Variants in RALY observed in about 807,000 individuals in gnomAD.
RALY encodes the protein RALY heterogeneous nuclear ribonucleoprotein.
A neutral mutation model predicts 30.7 loss-of-function variants in RALY; 15 were observed. That is an observed-to-expected ratio of 0.49 (90% CI 0.33 to 0.75). The LOEUF (loss-of-function observed/expected upper bound fraction) is 0.75, where lower values mean the gene tolerates loss of function less well. Among genes scored for constraint, RALY ranks in the 30% least tolerant of loss-of-function variants. The pLI is 0.02. For missense variants in RALY, 339 were observed against 414.3 expected (o/e 0.82, Z 1.58); for synonymous variants, 177 against 170.8 (o/e 1.04, Z -0.28).
At chr20:34,022,393 C>T (rs2031862309) in intron 1 of RALY, among the ~76,000 whole-genome samples, 1 of 152,066 alleles carries the variant, frequency 6.6e-6, no homozygotes, top group Admixed American at 6.6e-5. Context: ...CTCAAAGCAG[C>T]TGATGTTGTG....
intron 5 of RALY, 121 bp downstream of exon 5, chr20:34,073,987 G>T (rs2033803824): frequency 1.8e-6 from 2 of 1,134,448 alleles, no homozygotes; most frequent in East Asian, 2.5e-5. Context: ...TTTGCCTGGG[G>T]TTGCTCCACC....
chr20:34,058,467 A>G (rs970338514), intron 2 of RALY, among the ~76,000 whole-genome samples: 3 of 150,836 alleles, frequency 2.0e-5, no homozygotes, highest in Non-Finnish European at 4.4e-5. Flanking sequence ...TCTGAAAGGA[A>G]CGGTTCACCT....
At chr20:34,077,673 C>T (rs1165349828) in intron 8 of RALY, 10 of 271,166 alleles carry the variant, frequency 3.7e-5, no homozygotes, top group African/African-American at 9.2e-5. Context: ...GTGAGCTCCC[C>T]GCCTGTTACT....
chr20:34,018,467 T>G (rs1262615913), intron 1 of RALY, among the ~76,000 whole-genome samples: 1 of 152,222 alleles, frequency 6.6e-6, no homozygotes, highest in Admixed American at 6.5e-5. Context: ...TGCCCCTCCT[T>G]TCTGTGTTCT....
chr20:34,050,448 A>G (rs2033038357), intron 2 of RALY, among the ~76,000 whole-genome samples: 1 of 152,218 alleles, frequency 6.6e-6, no homozygotes, highest in Admixed American at 6.5e-5. Flanking sequence ...TGATCCAAAA[A>G]TGCTTTGCTG....
chr20:34,053,383 ATTTTTTTTTTTTTTTTTTTT>A (rs60912814), intron 2 of RALY, among the ~76,000 whole-genome samples: 1 of 54,098 alleles, frequency 1.8e-5, no homozygotes, highest in Non-Finnish European at 3.2e-5. Flanking sequence ...ATGTTCAATA[ATTTTTTTTTTTTTTTTTTTT>A]TTTTTTTTTT....
At chr20:34,044,870 G>A (rs2032825589) in intron 2 of RALY, among the ~76,000 whole-genome samples, 1 of 152,102 alleles carries the variant, frequency 6.6e-6, no homozygotes, top group South Asian at 2.1e-4. Context: ...CATAGAACTG[G>A]GATACAGTAA....
At chr20:34,013,413 CAAA>C (rs34859292) in intron 1 of RALY, among the ~76,000 whole-genome samples, 38 of 84,828 alleles carry the variant, frequency 4.5e-4, no homozygotes, top group African/African-American at 9.1e-4. Context: ...GACCTTGTCT[CAAA>C]AAAAAAAAAA....
At position 34,076,760 on chromosome 20, in the gene RALY, C is replaced by T. The variant is rs201400048; in HGVS notation, c.603C>T (p.Ile201=). The change falls in exon 7 of 10, where the codon ATC becomes ATT. Residue 201 remains isoleucine (I), a synonymous_variant. Coordinates refer to ENST00000246194, the MANE Select transcript of RALY (RefSeq NM_016732.3). The part of the protein sequence containing the change: ...KTELTQIKSN[I]DALLSRLEQI... ...AGCTGACACAGATCAAGTCCAATAT[C>T]GATGCCCTGCTGAGCCGCTTGGAGC... 1.1e-4 allele frequency: 176 copies of T among 1,614,144 alleles called. No individual in the cohort carries two copies. In the Middle Eastern group the frequency reaches 1.5e-3, roughly 14 times the overall value.
intron 2 of RALY, among the ~76,000 whole-genome samples, chr20:34,035,184 A>AAC (rs2032447755): frequency 7.0e-6 from 1 of 142,878 alleles, no homozygotes; most frequent in Admixed American, 7.0e-5. Context: ...AAAAAAAAAA[A>AAC]AAACAGTCTG....
rs771710597 is a variant in RALY at position 34,076,778 on chromosome 20, C to T, written c.621C>T (p.Arg207=). The stretch of plus-strand genomic sequence containing the variant: ...CCAATATCGATGCCCTGCTGAGCCG[C>T]TTGGAGCAGATCGCTGCGGAGCAAA... ...IKSNIDALLS[R]LEQIAAEQKA... is the part of the protein sequence containing the mutation. Residue 207 remains arginine (R), a synonymous_variant, in exon 7 of 10, where the codon CGC becomes CGT. Transcript: ENST00000246194. 4 of 1,614,020 alleles carry T rather than the reference C, an allele frequency of 2.5e-6. No homozygotes were observed. The highest frequency in any genetic ancestry group is 2.5e-6 in the Non-Finnish European group (3 of 1,180,032).
Position 34,071,050 on chromosome 20 carries a change from G to A in RALY, c.-9-1016G>A, listed in dbSNP as rs1316499101. Among the ~76,000 whole-genome samples, 5 of 152,144 alleles carry A rather than the reference G, an allele frequency of 3.3e-5. No homozygotes were observed. In the South Asian group the frequency reaches 6.2e-4, roughly 19 times the overall value. On this transcript the variant is annotated intron_variant, in intron 2 of 9. Coordinates refer to ENST00000246194, the MANE Select transcript of RALY (RefSeq NM_016732.3). Reference sequence around the variant, plus strand: ...CACACGTCTAAACACCAGATCTCACGAGCAGTCACTCACTATCATGAGAGC... The same window carrying A: ...CACACGTCTAAACACCAGATCTCACAAGCAGTCACTCACTATCATGAGAGC...
chr20:34,071,742 CA>C (rs2033734286), intron 2 of RALY, among the ~76,000 whole-genome samples: 1 of 152,080 alleles, frequency 6.6e-6, no homozygotes, highest in Admixed American at 6.5e-5. Context: ...TCAAGCAGAT[CA>C]GGGGGTCAGA....
At chr20:34,006,107 A>G (rs1354016001) in intron 1 of RALY, among the ~76,000 whole-genome samples, 2 of 152,250 alleles carry the variant, frequency 1.3e-5, no homozygotes, top group African/African-American at 4.8e-5. Context: ...GGAGTTGGCT[A>G]GGATTGAAAC....
intron 1 of RALY, among the ~76,000 whole-genome samples, chr20:34,008,098 G>A (rs188699911): frequency 5.6e-4 from 85 of 152,244 alleles, no homozygotes; most frequent in African/African-American, 2.0e-3. Flanking sequence ...ACTGTTGCCT[G>A]GTACCTTTTC....
At chr20:34,066,109 A>C (rs1373828952) in intron 2 of RALY, among the ~76,000 whole-genome samples, 1 of 151,570 alleles carries the variant, frequency 6.6e-6, no homozygotes, top group Non-Finnish European at 1.5e-5. Flanking sequence ...CAGGACCCCT[A>C]GCTACACTCC....
At chr20:34,049,309 G>C (rs1038504932) in intron 2 of RALY, 3 of 154,336 alleles carry the variant, frequency 1.9e-5, no homozygotes, top group Admixed American at 6.5e-5. Context: ...CTGAGTTCTA[G>C]ATATGTTTCT....
chr20:34,043,920 C>T (rs1312518646), intron 2 of RALY, among the ~76,000 whole-genome samples: 3 of 151,890 alleles, frequency 2.0e-5, no homozygotes, highest in African/African-American at 4.8e-5. Flanking sequence ...GGAGAGAGTG[C>T]TTTAGGAGCT....
chr20:34,014,961 ATG>A (rs1388959502), intron 1 of RALY: 1 of 152,246 alleles, frequency 6.6e-6, no homozygotes, highest in Non-Finnish European at 1.5e-5. Context: ...AAAAAAAGAA[ATG>A]TGACAAAGTG....
Sources: allele counts gnomAD v4.1 joint callset (sites outside exome capture counted in the v4.1 genomes callset), GRCh38; gene constraint gnomAD v4.1.1; transcripts MANE v1.5; gene names NCBI Gene and HGNC (gene_info 2026-07-23, HGNC 2026-07-21).